The following LSM14A variants were observed in gnomAD, a reference collection of about 807,000 sequenced individuals.
The protein encoded by LSM14A is LSM14A mRNA processing body assembly factor.
A neutral mutation model predicts 52.4 loss-of-function variants in LSM14A; 14 were observed. The observed-to-expected ratio is 0.27, with a 90% CI of 0.18 to 0.42. The LOEUF is 0.42. Among genes scored for constraint, LSM14A ranks in the 10% least tolerant of loss-of-function variants. The pLI, the probability that LSM14A is intolerant of heterozygous loss-of-function variation, is 1.00. For missense variants in LSM14A, 417 were observed against 581.8 expected, an observed-to-expected ratio of 0.72 and a Z score of 2.91; for synonymous variants, 185 against 200.3, an observed-to-expected ratio of 0.92 and a Z score of 0.64.
At chr19:34,179,605 AT>A (rs1225861753) in intron 1 of LSM14A, among the ~76,000 whole-genome samples, 5 of 152,136 alleles carry the variant, frequency 3.3e-5, no homozygotes, top group Non-Finnish European at 5.9e-5. Context: ...GAAACTGTTC[AT>A]TTTCTAGTAG....
At chr19:34,227,337 A>G in intron 9 of LSM14A, 28 bp from the exon 10 acceptor site, 2 of 1,534,318 alleles carry the variant, frequency 1.3e-6, no homozygotes, top group Non-Finnish European at 1.8e-6. Flanking sequence ...AATTTGGAAC[A>G]TGAGCTAAAT....
In LSM14A at chr19:34,227,790, T is replaced by TTGTGTGTGTG. The variant is rs71165635; in HGVS notation, c.*432_*441dup. On this transcript the variant is annotated 3_prime_UTR_variant, in exon 10 of 10. Coordinates refer to ENST00000544216, the MANE Select transcript of LSM14A (RefSeq NM_015578.4). ...ATACTGTGTTTTGAGCCACAGAAGG[T>TTGTGTGTGTG]TGTGTGTGTGTGTGTGTGTGTGTGT... 7,647 of 152,336 alleles carry TTGTGTGTGTG rather than the reference T, an allele frequency of 0.05. 284 individuals carry two copies. Among genetic ancestry groups the TTGTGTGTGTG allele is most frequent in the Middle Eastern group, 0.084 (27 of 320 alleles). The allele number at this position is 152,336 out of a possible 1,614,324, so 9.4% of individuals were successfully genotyped here.
chr19:34,179,423 C>CA (rs1383146555), intron 1 of LSM14A, among the ~76,000 whole-genome samples: 1 of 152,166 alleles, frequency 6.6e-6, no homozygotes, highest in East Asian at 1.9e-4. Context: ...TCTAGCAATT[C>CA]ACAAAATTAC....
At chr19:34,223,625 A>T (rs560469641) in intron 9 of LSM14A, among the ~76,000 whole-genome samples, 2 of 152,134 alleles carry the variant, frequency 1.3e-5, no homozygotes, top group Non-Finnish European at 2.9e-5. Context: ...GTCCCTGTCA[A>T]CTACCATGGT....
intron 3 of LSM14A, among the ~76,000 whole-genome samples, chr19:34,198,402 T>G (rs924593585): frequency 1.3e-5 from 2 of 148,692 alleles, no homozygotes; most frequent in Non-Finnish European, 3.0e-5. Flanking sequence ...TCACCTGAAG[T>G]CAGGAGTTCA....
intron 2 of LSM14A, 132 bp from the exon 3 acceptor site, chr19:34,196,502 C>G: frequency 1.3e-6 from 1 of 769,744 alleles, no homozygotes; most frequent in Non-Finnish European, 1.9e-6. Context: ...ATATTAAGTG[C>G]ATATTGTAAT....
At chr19:34,172,833 C>T (rs1442232007) in intron 1 of LSM14A, 70 bp downstream of exon 1, 11 of 1,468,236 alleles carry the variant, frequency 7.5e-6, no homozygotes, top group African/African-American at 3.0e-5. Flanking sequence ...CGCTCCGGCC[C>T]GCGGCCTCCT....
In LSM14A at chr19:34,224,126, C is replaced by T. The variant is rs759709562; in HGVS notation, c.1368+2388C>T. Among the ~76,000 whole-genome samples the T allele has an allele frequency of 5.3e-5, 8 of 151,824 alleles. No individual in the cohort carries two copies. The South Asian group carries it at 1.5e-3, about 28-fold the overall frequency. The stretch of plus-strand genomic sequence containing the variant: ...GGCGGATCACCTGAGGTCAGGAGTT[C>T]GAGACCAGCCTGGCTAACATGGTGA... On this transcript the variant is annotated intron_variant, in intron 9 of 9. Coordinates refer to ENST00000544216, the MANE Select transcript of LSM14A (RefSeq NM_015578.4).
chr19:34,221,751 G>A lies in LSM14A; in HGVS notation c.1368+13G>A. 1.3e-6 allele frequency: 2 copies of A among 1,588,720 alleles called. No individual in the cohort carries two copies. The highest frequency in any genetic ancestry group is 1.7e-6 in the Non-Finnish European group (2 of 1,160,974). ...TTTTGAATATAGGGTAAGTGTTACT[G>A]TTAATAAATTCTTTGGGGTTGACAT... On this transcript the variant is annotated intron_variant, in intron 9 of 9. Transcript: ENST00000544216.
chr19:34,172,869 C>G, intron 1 of LSM14A, 106 bp downstream of exon 1: 1 of 1,308,678 alleles, frequency 7.6e-7, no homozygotes, highest in Non-Finnish European at 1.0e-6. Flanking sequence ...CTCCGTCGAG[C>G]TCCGGGAGGC....
At chr19:34,225,440 T>C (rs900628120) in intron 9 of LSM14A, among the ~76,000 whole-genome samples, 1 of 152,192 alleles carries the variant, frequency 6.6e-6, no homozygotes, top group Non-Finnish European at 1.5e-5. Flanking sequence ...CATCTAACAC[T>C]TCCTCCCAGA....
intron 4 of LSM14A, among the ~76,000 whole-genome samples, chr19:34,210,975 A>G (rs2072099707): frequency 6.6e-6 from 1 of 152,190 alleles, no homozygotes. Context: ...AACTTAAATT[A>G]GGCACAGGCA....
At position 34,228,170 on chromosome 19, in the gene LSM14A, A is replaced by C. The variant is rs1227191632; in HGVS notation, c.*782A>C. The C allele has an allele frequency of 1.3e-5, 2 of 152,542 alleles. No individual in the cohort carries two copies. The highest frequency in any genetic ancestry group is 2.9e-5 in the Non-Finnish European group (2 of 68,016). 9.4% of individuals were successfully genotyped at this position (152,542 alleles called of 1,614,324 possible). A position where few individuals can be genotyped will look rare whatever the true frequency, so the allele number is the denominator to read the frequency against. On this transcript the variant is annotated 3_prime_UTR_variant, in exon 10 of 10. Coordinates refer to ENST00000544216, the MANE Select transcript of LSM14A (RefSeq NM_015578.4). ...GTGGGTCTTTTTTTCTTAGTTTTCC[A>C]GGCTTAACATTTTTGATTTTGTTTT...
intron 3 of LSM14A, among the ~76,000 whole-genome samples, chr19:34,207,983 G>T (rs1449703186): frequency 6.6e-6 from 1 of 152,170 alleles, no homozygotes; most frequent in African/African-American, 2.4e-5. Context: ...ATTGCAAGGG[G>T]CATGATTGTA....
intron 1 of LSM14A, among the ~76,000 whole-genome samples, chr19:34,194,205 C>A (rs778654707): frequency 2.0e-5 from 3 of 152,022 alleles, no homozygotes; most frequent in African/African-American, 7.2e-5. Context: ...TTTTAACACC[C>A]CACTACAACC....
intron 9 of LSM14A, 74 bp downstream of exon 9, chr19:34,221,812 T>C: frequency 6.6e-7 from 1 of 1,515,358 alleles, no homozygotes; most frequent in Non-Finnish European, 8.9e-7. Flanking sequence ...TTACTTGTTT[T>C]TGTTTTGGGT....
chr19:34,216,768 C>G (rs2072634491), intron 6 of LSM14A, among the ~76,000 whole-genome samples: 1 of 152,108 alleles, frequency 6.6e-6, no homozygotes, highest in Non-Finnish European at 1.5e-5. Context: ...AGGCAGTTAT[C>G]TTTTAATATG....
intron 8 of LSM14A, 69 bp downstream of exon 8, chr19:34,219,946 C>A: frequency 1.7e-6 from 2 of 1,191,114 alleles, no homozygotes; most frequent in South Asian, 2.7e-5. Flanking sequence ...CATGTAAATT[C>A]ACGAGGTTTA....
chr19:34,187,774 A>G (rs931882120), intron 1 of LSM14A, among the ~76,000 whole-genome samples: 4 of 152,032 alleles, frequency 2.6e-5, no homozygotes, highest in African/African-American at 4.8e-5. Context: ...ATATACAAGT[A>G]TTATATACAC....
Sources: gnomAD v4.1 joint callset for allele counts (sites outside exome capture counted in the v4.1 genomes callset) on GRCh38, gnomAD v4.1.1 for gene constraint, MANE v1.5 for transcripts, NCBI Gene and HGNC (gene_info 2026-07-23, HGNC 2026-07-21) for gene names.